CAPN15: variants seen among roughly 807,000 people sequenced by gnomAD.
The protein encoded by CAPN15 is calpain-15.
Under a neutral mutation model 97.9 loss-of-function variants are expected in CAPN15, and 53 were observed. The ratio of observed to expected loss-of-function variants is 0.54; its 90% CI spans 0.43 to 0.68. The LOEUF is 0.68. Among genes scored for constraint, CAPN15 ranks in the 30% least tolerant of loss-of-function variants. CAPN15 has a pLI of 0.00. For missense variants in CAPN15, 1,592 were observed against 1,589.8 expected (o/e 1.00, Z -0.02); for synonymous variants, 922 against 722.5 (o/e 1.28, Z -4.43).
At chr16:542,687 A>T (rs1163799084) in intron 3 of CAPN15, among the ~76,000 whole-genome samples, 1 of 152,114 alleles carries the variant, frequency 6.6e-6, no homozygotes, top group Admixed American at 6.6e-5. Context: ...TCCTGGGTTC[A>T]AGAGAACCTC....
rs1483518822 is a variant in CAPN15, at chr16:547,997, G to A, written c.1159G>A (p.Asp387Asn). 8.9e-6 allele frequency: 14 copies of A among 1,579,634 alleles called. No homozygotes were observed. Among genetic ancestry groups the A allele is most frequent in the East Asian group, 4.7e-5 (2 of 42,490 alleles). Residue 387 changes from aspartate to asparagine, a missense_variant, in exon 4 of 14, where the codon GAC becomes AAC. Asp to Asn is a conservative substitution (Grantham distance 23). Transcript: ENST00000219611. ...PPTHCPDCGA[D>N]KPSPCGRSCG... ...CACCCACTGCCCCGACTGTGGGGCCGACAAGCCCAGCCCCTGCGGCAGAAG... is the reference window on the plus strand; with the variant it reads ...CACCCACTGCCCCGACTGTGGGGCCAACAAGCCCAGCCCCTGCGGCAGAAG...
chr16:541,662 G>A (rs1158440029), intron 3 of CAPN15, among the ~76,000 whole-genome samples: 1 of 152,254 alleles, frequency 6.6e-6, no homozygotes, highest in African/African-American at 2.4e-5. Flanking sequence ...ACTCTTAGTG[G>A]TTTGTAGAGT....
At chr16:546,556 G>GGGGT (rs1354169628) in intron 3 of CAPN15, among the ~76,000 whole-genome samples, 1 of 152,244 alleles carries the variant, frequency 6.6e-6, no homozygotes, top group African/African-American at 2.4e-5. Context: ...GCCCGGCTGT[G>GGGGT]GGGTGCTCAG....
intron 3 of CAPN15, chr16:538,528 G>A (rs1463704554): frequency 1.3e-5 from 2 of 152,202 alleles, no homozygotes; most frequent in African/African-American, 4.8e-5. Context: ...CAGAGAAAAC[G>A]GACCCTCGTG....
At chr16:549,593 C>T (rs1004357990) in intron 6 of CAPN15, 22 bp from the exon 7 acceptor site, 10 of 1,522,004 alleles carry the variant, frequency 6.6e-6, no homozygotes, top group East Asian at 4.9e-5. Flanking sequence ...GCGGGGGTGG[C>T]CTCTGACCCG....
chr16:542,199 C>T (rs192554502), intron 3 of CAPN15, among the ~76,000 whole-genome samples: 47 of 152,354 alleles, frequency 3.1e-4, no homozygotes, highest in East Asian at 1.3e-3. Flanking sequence ...TATTCATGGA[C>T]GCTAGGACTG....
chr16:528,664 G>A (rs2033027208), intron 1 of CAPN15: 1 of 951,222 alleles, frequency 1.1e-6, no homozygotes, highest in Non-Finnish European at 1.3e-6. Flanking sequence ...AGCTGGCCCT[G>A]GCCGGGCGAG....
rs560775394 is a variant in CAPN15, at chr16:528,343, C to T, written c.-190+314C>T. On this transcript the variant is annotated intron_variant, in intron 1 of 13. Transcript: ENST00000219611. ...TGAGGCCAGCCCCGGGGGCCGCGCA[C>T]ACCGGAGGCGGCCTCGGCCCTGCCT... Among the ~76,000 whole-genome samples the T allele has an allele frequency of 2.6e-5, 4 of 152,338 alleles. No individual in the cohort carries two copies. The South Asian group carries it at 8.3e-4, about 32-fold the overall frequency.
rs56067117 is a variant in CAPN15, at chr16:543,005, T to G, written c.-22-3812T>G. Among the ~76,000 whole-genome samples, 1,165 of 151,024 alleles carry G rather than the reference T, an allele frequency of 7.7e-3. 8 individuals carry two copies. Among genetic ancestry groups the G allele is most frequent in the African/African-American group, 0.027 (1,096 of 40,568 alleles). On this transcript the variant is annotated intron_variant, in intron 3 of 13. Coordinates refer to ENST00000219611, the MANE Select transcript of CAPN15 (RefSeq NM_005632.3). ...GGCGGAGGTTGCAGTGAGCCAAGATTGCACCACTGCACTCCAGTGTGGGCG... is the reference window on the plus strand; with the variant it reads ...GGCGGAGGTTGCAGTGAGCCAAGATGGCACCACTGCACTCCAGTGTGGGCG...
rs936512786 is a variant in CAPN15, at chr16:528,040, T to TCGGCCGGGCC, written c.-190+21_-190+30dup. On this transcript the variant is annotated intron_variant, in intron 1 of 13. Coordinates refer to ENST00000219611, the MANE Select transcript of CAPN15 (RefSeq NM_005632.3). Reference sequence around the variant, plus strand: ...CGCCGGGCTGTGGAGGTGAGTCCCGTCGGCCGGGCCCGGCCGGGCGCCCAG... The same window carrying TCGGCCGGGCC: ...CGCCGGGCTGTGGAGGTGAGTCCCGTCGGCCGGGCCCGGCCGGGCCCGGCCGGGCGCCCAG... The TCGGCCGGGCC allele has an allele frequency of 1.5e-5, 2 of 137,112 alleles. No homozygotes were observed. The highest frequency in any genetic ancestry group is 2.6e-5 in the African/African-American group (1 of 37,886). The allele number at this position is 137,112 out of a possible 1,614,324, so 8.5% of individuals were successfully genotyped here.
chr16:551,114 G>A (rs571494996), intron 7 of CAPN15, among the ~76,000 whole-genome samples, 188 bp from the exon 8 acceptor site: 4 of 138,462 alleles, frequency 2.9e-5, no homozygotes, highest in Admixed American at 2.8e-4. Flanking sequence ...GTCCCCGGTC[G>A]GTGAGGGCCC....
chr16:548,005 C>G lies in CAPN15; in HGVS notation c.1167C>G (p.Pro389=), dbSNP rs1471761306. The change falls in exon 4 of 14, where the codon CCC becomes CCG. Residue 389 remains proline, a synonymous_variant. Transcript: ENST00000219611. ...THCPDCGADK[P]SPCGRSCGRV... is the part of the protein sequence containing the mutation. ...GCCCCGACTGTGGGGCCGACAAGCCCAGCCCCTGCGGCAGAAGCTGCGGAC... is the reference window on the plus strand; with the variant it reads ...GCCCCGACTGTGGGGCCGACAAGCCGAGCCCCTGCGGCAGAAGCTGCGGAC... 1.3e-6 allele frequency: 2 copies of G among 1,578,480 alleles called. No homozygotes were observed.
At position 547,318 on chromosome 16, in the gene CAPN15, C is replaced by T; in HGVS notation, c.480C>T (p.Ala160=). Residue 160 remains alanine (A), a synonymous_variant, in exon 4 of 14, where the codon GCC becomes GCT. Transcript: ENST00000219611. Reference sequence around the variant, plus strand: ...GCACGCTGCACAACACGCCCGTGGCCAGCTCCTGCTCCGTCTGCGGGGGCC... The same window carrying T: ...GCACGCTGCACAACACGCCCGTGGCTAGCTCCTGCTCCGTCTGCGGGGGCC... The part of the protein sequence containing the change: ...PRCTLHNTPV[A]SSCSVCGGPR... 2.0e-6 allele frequency: 3 copies of T among 1,529,724 alleles called. 1 individual carries two copies. In the South Asian group the frequency reaches 3.6e-5, roughly 18 times the overall value. 94.8% of individuals were successfully genotyped at this position (1,529,724 alleles called of 1,614,324 possible). A position where few individuals can be genotyped will look rare whatever the true frequency, so the allele number is the denominator to read the frequency against.
intron 9 of CAPN15, 115 bp from the exon 10 acceptor site, chr16:551,936 G>A (rs943379055): frequency 1.0e-4 from 122 of 1,201,838 alleles, no homozygotes; most frequent in Non-Finnish European, 9.8e-5. Context: ...GCAAGAGGAC[G>A]GTGACGGAGC....
chr16:550,730 CCCCGTCGGTGAGGGT>C (rs2034945813), intron 7 of CAPN15, among the ~76,000 whole-genome samples: 11 of 139,692 alleles, frequency 7.9e-5, no homozygotes, highest in Admixed American at 4.1e-4. Flanking sequence ...CGGTGAGGGT[CCCCGTCGGTGAGGGT>C]CCCGGTCGGT....
chr16:547,809 T>C lies in CAPN15; in HGVS notation c.971T>C (p.Leu324Pro). The C allele has an allele frequency of 1.9e-6, 3 of 1,612,018 alleles. No individual in the cohort carries two copies. Among genetic ancestry groups the C allele is most frequent in the Non-Finnish European group, 2.5e-6 (3 of 1,179,670 alleles). The change falls in exon 4 of 14, where the codon CTG (leucine) becomes CCG (proline). Residue 324 changes from leucine (L) to proline (P), a missense_variant. This residue lies in a region of CAPN15 where 883 missense variants were observed against 776.6 expected (regional missense o/e 1.14). Coordinates refer to ENST00000219611, the MANE Select transcript of CAPN15 (RefSeq NM_005632.3). ...ACCTCGGGCAGTGACATCATTGACC[T>C]GGCCGGAGACACCGTGCGTTACACG... is the stretch of plus-strand genomic sequence containing the variant. ...SSTSGSDIID[L>P]AGDTVRYTPA...
chr16:547,220 G>GAGGAGGAGA lies in CAPN15; in HGVS notation c.391_399dup (p.Lys131_Glu133dup), dbSNP rs762228324. On this transcript the variant is annotated inframe_insertion, in exon 4 of 14. Coordinates refer to ENST00000219611, the MANE Select transcript of CAPN15 (RefSeq NM_005632.3). ...CAGGGGGCAGTGCGAGGACAAGGACGAGGAGGAGAAGGAGGAGCAGGAGGA... is the reference window on the plus strand; with the variant it reads ...CAGGGGGCAGTGCGAGGACAAGGACGAGGAGGAGAAGGAGGAGAAGGAGGAGCAGGAGGA... 3.9e-6 allele frequency: 6 copies of GAGGAGGAGA among 1,526,480 alleles called. No homozygotes were observed. Among genetic ancestry groups the GAGGAGGAGA allele is most frequent in the Middle Eastern group, 3.8e-4 (2 of 5,314 alleles). 94.6% of individuals were successfully genotyped at this position (1,526,480 alleles called of 1,614,324 possible). A position where few individuals can be genotyped will look rare whatever the true frequency, so the allele number is the denominator to read the frequency against.
Position 554,546 on chromosome 16 carries a change from A to G in CAPN15, c.*1030A>G, listed in dbSNP as rs770675872. 40 of 456,086 alleles carry G rather than the reference A, an allele frequency of 8.8e-5. No homozygotes were observed. The highest frequency in any genetic ancestry group is 2.6e-4 in the Admixed American group (11 of 42,560). The allele number at this position is 456,086 out of a possible 1,614,324, so 28.3% of individuals were successfully genotyped here. A position where few individuals can be genotyped will look rare whatever the true frequency, so the allele number is the denominator to read the frequency against. On this transcript the variant is annotated 3_prime_UTR_variant, in exon 14 of 14. Coordinates refer to ENST00000219611, the MANE Select transcript of CAPN15 (RefSeq NM_005632.3). ...TTGTGACACAGAGACTATTTTATCA[A>G]TTGTCAGTCCCGTTCCTTTACCATA...
At chr16:540,182 G>T (rs940456163) in intron 3 of CAPN15, 4 of 985,444 alleles carry the variant, frequency 4.1e-6, no homozygotes, top group Non-Finnish European at 4.8e-6. Flanking sequence ...GCCGCCGGCC[G>T]GGGGGCCATG....
Sources: allele counts gnomAD v4.1 joint callset (sites outside exome capture counted in the v4.1 genomes callset), GRCh38; gene constraint gnomAD v4.1.1; regional missense constraint gnomAD v4.1.1; transcripts MANE v1.5; gene names NCBI Gene and HGNC (gene_info 2026-07-23, HGNC 2026-07-21).